STX17: variants seen among roughly 807,000 people sequenced by gnomAD.
STX17 encodes syntaxin-17.
Under a neutral mutation model 35.9 loss-of-function variants are expected in STX17, and 29 were observed. The ratio of observed to expected loss-of-function variants is 0.81; its 90% CI spans 0.60 to 1.10. The LOEUF (loss-of-function observed/expected upper bound fraction) is 1.10. Among genes scored for constraint, STX17 ranks in the 50% least tolerant of loss-of-function variants. STX17 has a pLI of 0.00. For synonymous variants in STX17, 92 were observed against 118.3 expected, an observed-to-expected ratio of 0.78 and a Z score of 1.44; for missense variants, 312 against 352.3, an observed-to-expected ratio of 0.89 and a Z score of 0.92.
At chr9:99,949,942 T>TACACACAC (rs58226718) in intron 3 of STX17, among the ~76,000 whole-genome samples, 4,030 of 149,166 alleles carry the variant, frequency 0.027, 73 homozygotes, top group Non-Finnish European at 0.039. Flanking sequence ...CACACATGTA[T>TACACACAC]ACACACACAC....
At chr9:99,910,543 T>C (rs1001031696) in intron 1 of STX17, among the ~76,000 whole-genome samples, 9 of 152,182 alleles carry the variant, frequency 5.9e-5, no homozygotes, top group Non-Finnish European at 5.9e-5. Context: ...TTTATGTTAC[T>C]TTTTTCAATT....
intron 4 of STX17, among the ~76,000 whole-genome samples, chr9:99,954,809 A>G (rs1829675756): frequency 1.3e-5 from 2 of 152,018 alleles, no homozygotes; most frequent in African/African-American, 4.8e-5. Flanking sequence ...CAAAAATACA[A>G]AAATAGTTTT....
rs2118567224 is a variant in STX17, at chr9:99,972,107, A to G, written c.*3434A>G. Among the ~76,000 whole-genome samples, 1 of 152,352 alleles carries G rather than the reference A, an allele frequency of 6.6e-6. No individual in the cohort carries two copies. The highest frequency in any genetic ancestry group is 6.5e-5 in the Admixed American group (1 of 15,306). On this transcript the variant is annotated 3_prime_UTR_variant, in exon 8 of 8. Coordinates refer to ENST00000259400, the MANE Select transcript of STX17 (RefSeq NM_017919.3). ...TCTGATTCCTTACTGAGTGTCCAGC[A>G]GCCTCAAAGTTTTTAATGGTAGCTG...
intron 3 of STX17, chr9:99,929,718 CATT>C (rs1328509324): frequency 2.6e-5 from 4 of 151,186 alleles, no homozygotes; most frequent in African/African-American, 7.3e-5. Context: ...AATATAAACT[CATT>C]ATATTGATTA....
In STX17 at chr9:99,960,166, A is replaced by G; in HGVS notation, c.582+11A>G. On this transcript the variant is annotated intron_variant, in intron 6 of 7. Transcript: ENST00000259400. Reference sequence around the variant, plus strand: ...TCTCTCCTAGTGAATGTAAGTATATAACTGTTTTGGATGCAGAATTGTTGG... The same window carrying G: ...TCTCTCCTAGTGAATGTAAGTATATGACTGTTTTGGATGCAGAATTGTTGG... The G allele has an allele frequency of 2.5e-6, 4 of 1,612,850 alleles. No homozygotes were observed. The highest frequency in any genetic ancestry group is 3.4e-6 in the Non-Finnish European group (4 of 1,179,340).
chr9:99,915,318 A>T lies in STX17; in HGVS notation c.79A>T (p.Thr27Ser). 6.2e-7 allele frequency: 1 copy of T among 1,612,530 alleles called. No homozygotes were observed. The change falls in exon 2 of 8, where the codon ACA becomes TCA. Residue 27 changes from threonine to serine, a missense_variant. Physicochemically the swap from Thr to Ser is moderately conservative, Grantham distance 58. Coordinates refer to ENST00000259400, the MANE Select transcript of STX17 (RefSeq NM_017919.3). The part of the protein sequence containing the change: ...IQKFIKIVIP[T>S]DLERLRKHQI... The stretch of plus-strand genomic sequence containing the variant: ...GAAATTCATTAAGATAGTAATCCCA[A>T]CAGACCTGGAAAGGTTAAGAAAGCA...
At chr9:99,940,344 T>C (rs781057131) in intron 3 of STX17, among the ~76,000 whole-genome samples, 2 of 152,024 alleles carry the variant, frequency 1.3e-5, no homozygotes, top group Non-Finnish European at 2.9e-5. Flanking sequence ...TTGGCCAGGC[T>C]GGTCTCAAAC....
Position 99,973,500 on chromosome 9 carries a change from C to G in STX17, c.*4827C>G, listed in dbSNP as rs1830052583. On this transcript the variant is annotated 3_prime_UTR_variant, in exon 8 of 8. Coordinates refer to ENST00000259400, the MANE Select transcript of STX17 (RefSeq NM_017919.3). ...TCTCTTGTAGCAGGATTTTTTAAAT[C>G]AGGGGCAGCTCTCTTCTCCCATCCC... 1.3e-5 allele frequency among the ~76,000 whole-genome samples: 2 copies of G among 152,134 alleles called. No individual in the cohort carries two copies. Among genetic ancestry groups the G allele is most frequent in the Non-Finnish European group, 2.9e-5 (2 of 68,002 alleles).
At chr9:99,935,964 A>G (rs1829225626) in intron 3 of STX17, among the ~76,000 whole-genome samples, 1 of 152,216 alleles carries the variant, frequency 6.6e-6, no homozygotes, top group Non-Finnish European at 1.5e-5. Context: ...GGGTCAGATC[A>G]TGGAGAGCCT....
intron 4 of STX17, among the ~76,000 whole-genome samples, chr9:99,957,643 T>G (rs1360227661): frequency 6.9e-6 from 1 of 144,138 alleles, no homozygotes; most frequent in Non-Finnish European, 1.5e-5. Context: ...TTTGTTTTTA[T>G]GTTATTGTTT....
At chr9:99,913,390 T>C (rs1828698171) in intron 1 of STX17, among the ~76,000 whole-genome samples, 2 of 152,240 alleles carry the variant, frequency 1.3e-5, no homozygotes, top group Admixed American at 6.5e-5. Context: ...CTCTGTGTTC[T>C]GAGTGATTTC....
intron 1 of STX17, among the ~76,000 whole-genome samples, chr9:99,910,213 A>G (rs532741429): frequency 6.1e-4 from 93 of 152,218 alleles, no homozygotes; most frequent in African/African-American, 2.2e-3. Context: ...AGCCTGGGCA[A>G]AAGAGTGAGA....
chr9:99,937,363 C>T (rs1829257633), intron 3 of STX17, among the ~76,000 whole-genome samples: 1 of 152,160 alleles, frequency 6.6e-6, no homozygotes. Context: ...TTCTCTTCTC[C>T]TTCAAGGGCT....
Position 99,960,018 on chromosome 9 carries a change from G to C in STX17, c.517G>C (p.Glu173Gln), listed in dbSNP as rs765148647. Reference protein sequence around the residue: ...PQDQNAAESWETLEADLIELS... With the variant: ...PQDQNAAESWQTLEADLIELS... The stretch of plus-strand genomic sequence containing the variant: ...AGATCAAAATGCTGCAGAATCGTGG[G>C]AAACCTTAGAAGCGGTATGTTAAAA... The change falls in exon 5 of 8, where the codon GAA (glutamate) becomes CAA (glutamine). Residue 173 changes from glutamate (E) to glutamine (Q), a missense_variant. Glu to Gln is a conservative substitution (Grantham distance 29, BLOSUM62 2). Transcript: ENST00000259400. The C allele has an allele frequency of 1.3e-5, 21 of 1,613,976 alleles. 1 individual carries two copies. The South Asian group carries it at 2.2e-4, about 17-fold the overall frequency.
At chr9:99,961,308 A>G (rs988304450) in intron 6 of STX17, among the ~76,000 whole-genome samples, 4 of 152,210 alleles carry the variant, frequency 2.6e-5, no homozygotes, top group Non-Finnish European at 5.9e-5. Flanking sequence ...TTAGGAATCA[A>G]TTGCAAGAGT....
At chr9:99,957,077 ATACTTGTAACTTGTCTTT>A (rs1391352964) in intron 4 of STX17, among the ~76,000 whole-genome samples, 2 of 152,216 alleles carry the variant, frequency 1.3e-5, no homozygotes, top group Non-Finnish European at 2.9e-5. Context: ...CTGTAGGCTT[ATACTTGTAACTTGTCTTT>A]TACTTCTTGC....
chr9:99,930,720 C>T (rs142093543), intron 3 of STX17, among the ~76,000 whole-genome samples: 4,540 of 152,162 alleles, frequency 0.03, 96 homozygotes, highest in Middle Eastern at 0.048. Context: ...TTATGCCTTC[C>T]TCATTTTTGC....
intron 3 of STX17, among the ~76,000 whole-genome samples, chr9:99,936,589 G>C (rs1369835175): frequency 6.6e-6 from 1 of 151,314 alleles, no homozygotes; most frequent in African/African-American, 2.4e-5. Context: ...TCCTTGCCTT[G>C]CTAGCTAATA....
Position 99,973,334 on chromosome 9 carries a change from A to G in STX17, c.*4661A>G, listed in dbSNP as rs1433952520. On this transcript the variant is annotated 3_prime_UTR_variant, in exon 8 of 8. Coordinates refer to ENST00000259400, the MANE Select transcript of STX17 (RefSeq NM_017919.3). The stretch of plus-strand genomic sequence containing the variant: ...AGGAAAAAATCCTGAAGGTGATTTA[A>G]CTGAGTGTTAGGCCCTGTCAAGCCA... Among the ~76,000 whole-genome samples the G allele has an allele frequency of 2.0e-5, 3 of 152,338 alleles. No homozygotes were observed. The highest frequency in any genetic ancestry group is 7.2e-5 in the African/African-American group (3 of 41,586).
Sources: allele counts gnomAD v4.1 joint callset (sites outside exome capture counted in the v4.1 genomes callset), GRCh38; gene constraint gnomAD v4.1.1; transcripts MANE v1.5; gene names NCBI Gene and HGNC (gene_info 2026-07-23, HGNC 2026-07-21).